CAMK1G: variants seen among roughly 807,000 people sequenced by gnomAD.
CAMK1G encodes the protein calcium/calmodulin-dependent protein kinase type 1G.
A neutral mutation model predicts 54.8 loss-of-function variants in CAMK1G; 27 were observed. The observed-to-expected ratio is 0.49, with a 90% CI of 0.36 to 0.68. The LOEUF is 0.68. CAMK1G is among the 30% of genes least tolerant of loss of function. CAMK1G has a pLI of 0.00. For missense variants in CAMK1G, 512 were observed against 591.0 expected (o/e 0.87, Z 1.39); for synonymous variants, 238 against 224.9 (o/e 1.06, Z -0.52).
chr1:209,607,517 G>C (rs1450553075), intron 6 of CAMK1G, among the ~76,000 whole-genome samples: 2 of 152,222 alleles, frequency 1.3e-5, no homozygotes, highest in South Asian at 4.1e-4. Context: ...ACTTGCCCTG[G>C]GAATCCCCTA....
chr1:209,611,029 T>G (rs773547220), intron 9 of CAMK1G, among the ~76,000 whole-genome samples: 2 of 152,162 alleles, frequency 1.3e-5, no homozygotes, highest in Non-Finnish European at 2.9e-5. Context: ...TGCCCTGTGA[T>G]GCTGGGTCCA....
At chr1:209,591,161 C>A (rs1314201726) in intron 1 of CAMK1G, among the ~76,000 whole-genome samples, 1 of 152,068 alleles carries the variant, frequency 6.6e-6, no homozygotes, top group Non-Finnish European at 1.5e-5. Context: ...GTGTACCGTG[C>A]CCTCGAAGTC....
intron 9 of CAMK1G, 129 bp from the exon 10 acceptor site, chr1:209,611,336 C>A: frequency 1.3e-6 from 1 of 756,690 alleles, no homozygotes; most frequent in South Asian, 1.8e-5. Context: ...GCAGCCCTTT[C>A]CTGCTGTGGG....
At chr1:209,610,366 AT>A (rs1393752410) in intron 9 of CAMK1G, among the ~76,000 whole-genome samples, 5 of 152,188 alleles carry the variant, frequency 3.3e-5, no homozygotes, top group African/African-American at 1.2e-4. Flanking sequence ...AAATCTTAAA[AT>A]ATTTTTTCAT....
In CAMK1G at chr1:209,606,327, AC is replaced by A; in HGVS notation, c.445del (p.Leu149CysfsTer13). On this transcript the variant is annotated frameshift_variant, in exon 6 of 13. Coordinates refer to ENST00000361322, the MANE Select transcript of CAMK1G (RefSeq NM_020439.3). LOFTEE classifies it high-confidence loss of function. The part of the protein sequence containing the change: ...GIVHRDLKPE[N>X]LLYLTPEENS... ...ATATTTTTTCTCCTACAGCCCGAAA[AC>A]CTGCTTTACCTTACCCCTGAAGAGA... 6.2e-7 allele frequency: 1 copy of A among 1,613,886 alleles called. No homozygotes were observed.
intron 1 of CAMK1G, among the ~76,000 whole-genome samples, chr1:209,588,374 T>C (rs199618814): frequency 1.1e-5 from 1 of 92,184 alleles, no homozygotes; most frequent in East Asian, 2.8e-4. Context: ...TTGGATTGGA[T>C]TGGATTGGAT....
Position 209,611,383 on chromosome 1 carries a change from T to G in CAMK1G, c.828-82T>G. 7.1e-6 allele frequency: 9 copies of G among 1,275,884 alleles called. No individual in the cohort carries two copies. The South Asian group carries it at 1.1e-4, about 16-fold the overall frequency. The allele number at this position is 1,275,884 out of a possible 1,614,324, so 79.0% of individuals were successfully genotyped here. A position where few individuals can be genotyped will look rare whatever the true frequency, so the allele number is the denominator to read the frequency against. ...CTGCACACTCTACCCAGCTCTCACCTAGACCTGCAGGCACCCTGCCCACTC... is the reference window on the plus strand; with the variant it reads ...CTGCACACTCTACCCAGCTCTCACCGAGACCTGCAGGCACCCTGCCCACTC... On this transcript the variant is annotated intron_variant, in intron 9 of 12. Transcript: ENST00000361322.
At chr1:209,608,899 TGGGAGCTTG>T in intron 7 of CAMK1G, 72 bp from the exon 8 acceptor site, 1 of 1,583,090 alleles carries the variant, frequency 6.3e-7, no homozygotes, top group Non-Finnish European at 8.6e-7. Flanking sequence ...GTGTATACAG[TGGGAGCTTG>T]GGGGAGCAGA....
At chr1:209,608,258 T>C (rs1665700233) in intron 7 of CAMK1G, among the ~76,000 whole-genome samples, 1 of 152,180 alleles carries the variant, frequency 6.6e-6, no homozygotes, top group South Asian at 2.1e-4. Context: ...CTCAGTGGAA[T>C]GAACAGTGAA....
chr1:209,601,953 T>A (rs1297160758), intron 3 of CAMK1G, among the ~76,000 whole-genome samples: 1 of 152,204 alleles, frequency 6.6e-6, no homozygotes, highest in Non-Finnish European at 1.5e-5. Context: ...CAGGCCTGAC[T>A]GACTCTGAGC....
At chr1:209,612,302 C>T in intron 11 of CAMK1G, 86 bp downstream of exon 11, 1 of 1,416,046 alleles carries the variant, frequency 7.1e-7, no homozygotes, top group South Asian at 1.3e-5. Flanking sequence ...ACACAAAGGC[C>T]TCTCCCACTC....
At chr1:209,596,325 A>G (rs1028118696) in intron 2 of CAMK1G, among the ~76,000 whole-genome samples, 28 of 152,344 alleles carry the variant, frequency 1.8e-4, no homozygotes, top group African/African-American at 6.7e-4. Flanking sequence ...TGAGTAAGTC[A>G]GAAATGATTT....
intron 3 of CAMK1G, 55 bp downstream of exon 3, chr1:209,600,166 C>T: frequency 6.3e-7 from 1 of 1,582,658 alleles, no homozygotes; most frequent in Non-Finnish European, 8.6e-7. Flanking sequence ...ATTTTCTTCA[C>T]AAATTACCTT....
intron 2 of CAMK1G, among the ~76,000 whole-genome samples, chr1:209,597,876 A>G (rs1418342298): frequency 6.6e-6 from 1 of 152,212 alleles, no homozygotes; most frequent in Admixed American, 6.5e-5. Context: ...TCATAATGGT[A>G]TTCAAATAAT....
At chr1:209,590,277 C>T (rs544025313) in intron 1 of CAMK1G, among the ~76,000 whole-genome samples, 1 of 152,128 alleles carries the variant, frequency 6.6e-6, no homozygotes. Context: ...GGAACATGGG[C>T]ACCCCTTTCA....
At position 209,611,552 on chromosome 1, in the gene CAMK1G, G is replaced by A. The variant is rs950632623; in HGVS notation, c.915G>A (p.Arg305=). 3 of 1,613,046 alleles carry A rather than the reference G, an allele frequency of 1.9e-6. No homozygotes were observed. The highest frequency in any genetic ancestry group is 2.7e-5 in the African/African-American group (2 of 74,920). The change falls in exon 10 of 13, where the codon AGG becomes AGA. Residue 305 remains arginine, a splice_region_variant and synonymous_variant. Coordinates refer to ENST00000361322, the MANE Select transcript of CAMK1G (RefSeq NM_020439.3). Reference sequence around the variant, plus strand: ...AGAACTTTGCTAAGAGCAAGTGGAGGGTAAGCTGTCCTCTCCAGGGGGTGG... The same window carrying A: ...AGAACTTTGCTAAGAGCAAGTGGAGAGTAAGCTGTCCTCTCCAGGGGGTGG... The part of the protein sequence containing the change: ...IQKNFAKSKW[R]QAFNAAAVVH...
Position 209,612,843 on chromosome 1 carries a change from G to T in CAMK1G, c.1399G>T (p.Ala467Ser). ...AGCCAGTGGCAGCTCCCACTGCCGG[G>T]CAGGGCAGACTGGAGTCTGTCTCAT... Reference protein sequence around the residue: ...VKASGSSHCRAGQTGVCLIM With the variant: ...VKASGSSHCRSGQTGVCLIM The change falls in exon 12 of 13, where the codon GCA becomes TCA. Residue 467 changes from alanine (A) to serine (S), a missense_variant. By Grantham distance (99) the Ala-to-Ser change is moderately conservative (BLOSUM62 1). Transcript: ENST00000361322. 2.5e-6 allele frequency: 4 copies of T among 1,613,596 alleles called. No individual in the cohort carries two copies.
intron 1 of CAMK1G, 79 bp from the exon 2 acceptor site, chr1:209,594,876 C>A: frequency 3.9e-6 from 3 of 764,636 alleles, no homozygotes; most frequent in East Asian, 2.7e-5. Context: ...GTCAGTATTG[C>A]AGCCTGTTTT....
At chr1:209,611,655 A>G in intron 10 of CAMK1G, 103 bp downstream of exon 10, 1 of 1,471,214 alleles carries the variant, frequency 6.8e-7, no homozygotes. Context: ...CCCAGAAGGC[A>G]TTGGAGCTCC....
Sources: allele counts gnomAD v4.1 joint callset (sites outside exome capture counted in the v4.1 genomes callset), GRCh38; gene constraint gnomAD v4.1.1; transcripts MANE v1.5; gene names NCBI Gene and HGNC (gene_info 2026-07-23, HGNC 2026-07-21).